Variants in DIAPH3 observed in about 807,000 individuals in gnomAD.
DIAPH3 encodes the protein protein diaphanous homolog 3.
A neutral mutation model predicts 144.3 loss-of-function variants in DIAPH3; 117 were observed. The observed-to-expected ratio is 0.81, with a 90% CI of 0.70 to 0.95. DIAPH3 has a LOEUF of 0.95. Among genes scored for constraint, DIAPH3 ranks in the 40% least tolerant of loss-of-function variants. The pLI, the probability that DIAPH3 is intolerant of heterozygous loss-of-function variation, is 0.00. For missense variants in DIAPH3, 1,421 were observed against 1,412.7 expected (o/e 1.01, Z -0.09); for synonymous variants, 519 against 488.9 (o/e 1.06, Z -0.81).
At chr13:59,867,067 A>T (rs1398154294) in intron 21 of DIAPH3, among the ~76,000 whole-genome samples, 5 of 148,130 alleles carry the variant, frequency 3.4e-5, no homozygotes, top group African/African-American at 1.2e-4. Context: ...ATTTATTTAT[A>T]TATATAAATA....
chr13:59,905,138 C>T (rs776120421), intron 20 of DIAPH3, among the ~76,000 whole-genome samples: 38 of 151,650 alleles, frequency 2.5e-4, no homozygotes, highest in Admixed American at 5.3e-4. Context: ...GTCAGGAGAT[C>T]GAGATCATCC....
At chr13:59,716,456 T>C (rs2035067947) in intron 27 of DIAPH3, among the ~76,000 whole-genome samples, 1 of 152,132 alleles carries the variant, frequency 6.6e-6, no homozygotes, top group South Asian at 2.1e-4. Context: ...ATTACAGGCA[T>C]GAGCCACCGT....
At chr13:59,865,374 G>A (rs1031556606) in intron 21 of DIAPH3, among the ~76,000 whole-genome samples, 41 of 152,038 alleles carry the variant, frequency 2.7e-4, no homozygotes, top group African/African-American at 8.9e-4. Flanking sequence ...TTGAAGATGA[G>A]TAACAACTTA....
At chr13:59,916,863 G>A (rs1052418315) in intron 18 of DIAPH3, among the ~76,000 whole-genome samples, 1 of 152,004 alleles carries the variant, frequency 6.6e-6, no homozygotes, top group African/African-American at 2.4e-5. Context: ...TTATCCAAAT[G>A]TACTAGATAG....
chr13:59,738,277 T>A (rs1252285576), intron 27 of DIAPH3, among the ~76,000 whole-genome samples: 1 of 152,056 alleles, frequency 6.6e-6, no homozygotes, highest in Non-Finnish European at 1.5e-5. Flanking sequence ...TTAGTAGAGA[T>A]CCTGCTCAAG....
rs1314162326 is a variant in DIAPH3, at chr13:60,109,332, T to C, written c.390+2678A>G. Among the ~76,000 whole-genome samples, 2 of 152,192 alleles carry C rather than the reference T, an allele frequency of 1.3e-5. 1 individual carries two copies. The highest frequency in any genetic ancestry group is 2.9e-5 in the Non-Finnish European group (2 of 68,034). On this transcript the variant is annotated intron_variant, in intron 3 of 27. Coordinates refer to ENST00000400324, the MANE Select transcript of DIAPH3 (RefSeq NM_001042517.2). ...TTGCTTTAAATCACAAAGTCCGTGGTAATTTGTTACGGCAGCAATAGGAAA... is the reference window on the plus strand; with the variant it reads ...TTGCTTTAAATCACAAAGTCCGTGGCAATTTGTTACGGCAGCAATAGGAAA...
At chr13:59,705,303 C>T (rs1055997784) in intron 27 of DIAPH3, among the ~76,000 whole-genome samples, 80 of 152,166 alleles carry the variant, frequency 5.3e-4, no homozygotes, top group Non-Finnish European at 2.5e-4. Flanking sequence ...CAAACCCCTT[C>T]GAAAGTTTCT....
At chr13:59,874,220 T>C (rs181420513) in intron 21 of DIAPH3, among the ~76,000 whole-genome samples, 9 of 152,256 alleles carry the variant, frequency 5.9e-5, no homozygotes, top group Non-Finnish European at 8.8e-5. Context: ...TCTAAGTTAA[T>C]TGAACTGGTG....
At chr13:59,821,079 G>T (rs1016535974) in intron 24 of DIAPH3, among the ~76,000 whole-genome samples, 2 of 151,910 alleles carry the variant, frequency 1.3e-5, no homozygotes, top group Admixed American at 1.3e-4. Context: ...GGATACTCAA[G>T]CAATACAAGT....
intron 20 of DIAPH3, among the ~76,000 whole-genome samples, chr13:59,884,735 A>C (rs536939498): frequency 6.6e-6 from 1 of 151,628 alleles, no homozygotes; most frequent in South Asian, 2.1e-4. Flanking sequence ...TGATCTCCAG[A>C]ATTCTCAGAA....
intron 17 of DIAPH3, among the ~76,000 whole-genome samples, chr13:59,949,496 C>T (rs1469331183): frequency 5.3e-5 from 8 of 152,080 alleles, no homozygotes; most frequent in Non-Finnish European, 1.2e-4. Context: ...TGAAATAAAA[C>T]CTCAGTAATA....
At chr13:59,953,924 A>C (rs1291643550) in intron 17 of DIAPH3, among the ~76,000 whole-genome samples, 1 of 152,222 alleles carries the variant, frequency 6.6e-6, no homozygotes, top group Non-Finnish European at 1.5e-5. Flanking sequence ...TATTTGAAGA[A>C]AGTATGTAAT....
intron 25 of DIAPH3, among the ~76,000 whole-genome samples, chr13:59,795,807 G>A (rs939272701): frequency 6.6e-6 from 1 of 152,046 alleles, no homozygotes; most frequent in African/African-American, 2.4e-5. Flanking sequence ...CTTAAAGTTT[G>A]TTACTAGACA....
At chr13:59,710,390 TTTAAAG>T (rs1047590518) in intron 27 of DIAPH3, among the ~76,000 whole-genome samples, 39 of 151,540 alleles carry the variant, frequency 2.6e-4, no homozygotes, top group Admixed American at 2.3e-3. Context: ...ACTCTCTACA[TTTAAAG>T]TTAGTTAAAA....
chr13:59,991,448 AC>A (rs1019028327), intron 11 of DIAPH3, among the ~76,000 whole-genome samples, 174 bp from the exon 12 acceptor site: 1 of 151,992 alleles, frequency 6.6e-6, no homozygotes, highest in African/African-American at 2.4e-5. Flanking sequence ...GGAAATGGTG[AC>A]TTAACCTGAC....
chr13:59,897,565 T>C (rs770721877), intron 20 of DIAPH3, among the ~76,000 whole-genome samples: 3 of 151,138 alleles, frequency 2.0e-5, no homozygotes, highest in East Asian at 2.0e-4. Flanking sequence ...CTGGCTAACA[T>C]GGTAAAACCC....
intron 25 of DIAPH3, among the ~76,000 whole-genome samples, chr13:59,793,729 T>G (rs551172480): frequency 6.1e-5 from 9 of 147,264 alleles, no homozygotes; most frequent in Non-Finnish European, 1.2e-4. Context: ...ACTCCCAAGT[T>G]TTTATCACCA....
chr13:59,810,762 T>A (rs750600838), intron 25 of DIAPH3, 26 bp downstream of exon 25: 31 of 1,609,860 alleles, frequency 1.9e-5, no homozygotes, highest in Non-Finnish European at 2.6e-5. Context: ...ATACATAGAA[T>A]AAATAACAAA....
chr13:60,119,941 T>C (rs1309735942), intron 2 of DIAPH3, among the ~76,000 whole-genome samples: 2 of 152,028 alleles, frequency 1.3e-5, no homozygotes, highest in Admixed American at 6.6e-5. Flanking sequence ...GAGCAATTAC[T>C]AGATGATAAA....
Sources: gnomAD v4.1 joint callset for allele counts (sites outside exome capture counted in the v4.1 genomes callset) on GRCh38, gnomAD v4.1.1 for gene constraint, MANE v1.5 for transcripts, NCBI Gene and HGNC (gene_info 2026-07-23, HGNC 2026-07-21) for gene names.